GRID2: variants seen among roughly 807,000 people sequenced by gnomAD.
GRID2 encodes the protein glutamate ionotropic receptor delta type subunit 2, also known as glutamate receptor ionotropic, delta-2.
In GRID2, 33 loss-of-function variants were observed where a neutral mutation model predicts 114.8. The observed-to-expected ratio is 0.29, with a 90% CI of 0.22 to 0.38. The LOEUF (loss-of-function observed/expected upper bound fraction) is 0.38. GRID2 is among the 10% of genes least tolerant of loss of function. The pLI, the probability that GRID2 is intolerant of heterozygous loss-of-function variation, is 1.00. For synonymous variants in GRID2, 505 were observed against 449.9 expected, an observed-to-expected ratio of 1.12 and a Z score of -1.55; for missense variants, 1,184 against 1,257.7, an observed-to-expected ratio of 0.94 and a Z score of 0.89.
intron 4 of GRID2, among the ~76,000 whole-genome samples, chr4:93,169,825 A>G (rs1738621020): frequency 1.3e-5 from 2 of 152,196 alleles, no homozygotes; most frequent in South Asian, 2.1e-4. Context: ...CCTAAATGTA[A>G]TTGCAGGAAT....
chr4:92,704,742 T>TCTTTCTCTCTCTCTCTCTCC (rs1560542560), intron 2 of GRID2, among the ~76,000 whole-genome samples: 1 of 150,156 alleles, frequency 6.7e-6, no homozygotes, highest in African/African-American at 2.5e-5. Flanking sequence ...TCTCTCTCTC[T>TCTTTCTCTCTCTCTCTCTCC]CTCCCTCCCT....
intron 13 of GRID2, among the ~76,000 whole-genome samples, chr4:93,552,405 T>C (rs181608123): frequency 0.033 from 4,981 of 152,226 alleles, 129 homozygotes; most frequent in African/African-American, 0.067. Context: ...AGTAATGGGA[T>C]GGCTGGGTCA....
Position 92,449,676 on chromosome 4 carries a change from G to GATATATATATATATATAT in GRID2, c.89-140437_89-140420dup, listed in dbSNP as rs371209786. On this transcript the variant is annotated intron_variant, in intron 1 of 15. Coordinates refer to ENST00000282020, the MANE Select transcript of GRID2 (RefSeq NM_001510.4). ...TCAAATATGTCTATCTTTTCTTACTGATATATATATATATATATATATATA... is the reference window on the plus strand; with the variant it reads ...TCAAATATGTCTATCTTTTCTTACTGATATATATATATATATATATATATATATATATATATATATATA... 4.3e-3 allele frequency among the ~76,000 whole-genome samples: 414 copies of GATATATATATATATATAT among 96,690 alleles called. 14 individuals are homozygous for GATATATATATATATATAT. Among genetic ancestry groups the GATATATATATATATATAT allele is most frequent in the Non-Finnish European group, 6.0e-3 (298 of 49,616 alleles). The allele number at this position is 96,690 out of a possible 152,430, so 63.4% of individuals were successfully genotyped here.
At chr4:92,657,838 A>C (rs1732322526) in intron 2 of GRID2, among the ~76,000 whole-genome samples, 1 of 151,736 alleles carries the variant, frequency 6.6e-6, no homozygotes, top group Non-Finnish European at 1.5e-5. Context: ...TCTATTCAGA[A>C]TATAATTAGT....
chr4:93,331,128 C>T (rs1758382507), intron 8 of GRID2, among the ~76,000 whole-genome samples: 1 of 136,150 alleles, frequency 7.3e-6, no homozygotes, highest in East Asian at 2.2e-4. Context: ...GCTATCTAAC[C>T]CCCCCCCCAT....
chr4:93,283,717 G>A (rs896699567), intron 8 of GRID2, among the ~76,000 whole-genome samples: 1 of 151,958 alleles, frequency 6.6e-6, no homozygotes, highest in African/African-American at 2.4e-5. Context: ...CTGATTTATT[G>A]CCTACTTTTT....
intron 12 of GRID2, among the ~76,000 whole-genome samples, chr4:93,512,821 G>A (rs1404379033): frequency 1.3e-5 from 2 of 152,142 alleles, no homozygotes; most frequent in Admixed American, 6.6e-5. Context: ...TTTTCAGGCT[G>A]TAAAGCTAAT....
At chr4:92,653,013 T>A (rs1560512757) in intron 2 of GRID2, among the ~76,000 whole-genome samples, 1 of 127,492 alleles carries the variant, frequency 7.8e-6, no homozygotes, top group Non-Finnish European at 1.7e-5. Flanking sequence ...AATACATATA[T>A]ATACTTTTTT....
At chr4:93,558,106 A>T (rs78731882) in intron 13 of GRID2, among the ~76,000 whole-genome samples, 1 of 152,222 alleles carries the variant, frequency 6.6e-6, no homozygotes, top group Non-Finnish European at 1.5e-5. Flanking sequence ...AGGGAAATTT[A>T]TAGCACTAAA....
rs1372776778 is a variant in GRID2, at chr4:92,987,542, A to G, written c.245-97453A>G. Among the ~76,000 whole-genome samples, 6 of 152,254 alleles carry G rather than the reference A, an allele frequency of 3.9e-5. No individual in the cohort carries two copies. In the South Asian group the frequency reaches 8.3e-4, roughly 21 times the overall value. ...ACACCAACATGGCACATGTATATAT[A>G]TGTAACAAACCTGCACGTTGTGCAC... is the stretch of plus-strand genomic sequence containing the variant. On this transcript the variant is annotated intron_variant, in intron 2 of 15. Coordinates refer to ENST00000282020, the MANE Select transcript of GRID2 (RefSeq NM_001510.4).
intron 14 of GRID2, among the ~76,000 whole-genome samples, chr4:93,766,609 A>G (rs1733698821): frequency 6.6e-6 from 1 of 152,222 alleles, no homozygotes; most frequent in South Asian, 2.1e-4. Flanking sequence ...TTTTGTGCCC[A>G]GATGTATTCT....
chr4:92,321,361 T>C (rs189791932), intron 1 of GRID2, among the ~76,000 whole-genome samples: 1 of 152,324 alleles, frequency 6.6e-6, no homozygotes, highest in East Asian at 1.9e-4. Context: ...AGAGGCAGTG[T>C]GCTTGTGTGT....
At chr4:93,624,424 C>A (rs1250011215) in intron 13 of GRID2, among the ~76,000 whole-genome samples, 6 of 152,036 alleles carry the variant, frequency 3.9e-5, no homozygotes, top group Non-Finnish European at 7.4e-5. Context: ...AATGGCAATG[C>A]AAAGAGAGTT....
chr4:92,512,291 C>G (rs1173736474), intron 1 of GRID2, among the ~76,000 whole-genome samples: 1 of 151,804 alleles, frequency 6.6e-6, no homozygotes, highest in Non-Finnish European at 1.5e-5. Flanking sequence ...ATCTGTGTGG[C>G]TTTCACCTTT....
intron 11 of GRID2, among the ~76,000 whole-genome samples, chr4:93,482,865 G>A (rs987236253): frequency 1.3e-5 from 2 of 151,778 alleles, no homozygotes; most frequent in South Asian, 4.2e-4. Flanking sequence ...GCTTGCAAAT[G>A]GGTTCAATAT....
intron 2 of GRID2, among the ~76,000 whole-genome samples, chr4:92,950,197 G>A (rs1359580923): frequency 6.6e-6 from 1 of 152,066 alleles, no homozygotes; most frequent in Non-Finnish European, 1.5e-5. Context: ...AAAGCAAAAA[G>A]TATTTTGTCC....
intron 2 of GRID2, among the ~76,000 whole-genome samples, chr4:92,780,253 T>C (rs1041545659): frequency 4.6e-5 from 7 of 152,162 alleles, no homozygotes; most frequent in Non-Finnish European, 1.0e-4. Flanking sequence ...TTAATCATTA[T>C]TTTTGTTGTT....
At chr4:93,608,144 G>T (rs545843440) in intron 13 of GRID2, among the ~76,000 whole-genome samples, 1 of 148,990 alleles carries the variant, frequency 6.7e-6, no homozygotes, top group African/African-American at 2.5e-5. Flanking sequence ...ACGTCTATGT[G>T]TATACATATA....
At chr4:93,398,083 G>A (rs543358582) in intron 9 of GRID2, among the ~76,000 whole-genome samples, 1 of 144,224 alleles carries the variant, frequency 6.9e-6, no homozygotes, top group Non-Finnish European at 1.5e-5. Context: ...CTGATCTCAA[G>A]AGGAAACTGA....
Sources: gnomAD v4.1 joint callset for allele counts (sites outside exome capture counted in the v4.1 genomes callset) on GRCh38, gnomAD v4.1.1 for gene constraint, MANE v1.5 for transcripts, NCBI Gene and HGNC (gene_info 2026-07-23, HGNC 2026-07-21) for gene names.